EPHB1: variants seen among roughly 807,000 people sequenced by gnomAD.
The protein encoded by EPHB1 is ephrin type-B receptor 1.
A neutral mutation model predicts 94.4 loss-of-function variants in EPHB1; 30 were observed. The observed-to-expected ratio is 0.32, with a 90% confidence interval of 0.24 to 0.43. EPHB1 has a LOEUF of 0.43. EPHB1 is among the 20% of genes least tolerant of loss of function. The pLI is 1.00. For missense variants in EPHB1, 1,055 were observed against 1,308.3 expected, an observed-to-expected ratio of 0.81 and a Z score of 2.99; for synonymous variants, 522 against 489.1, an observed-to-expected ratio of 1.07 and a Z score of -0.89.
At chr3:135,062,015 G>A (rs899416411) in intron 3 of EPHB1, among the ~76,000 whole-genome samples, 5 of 152,148 alleles carry the variant, frequency 3.3e-5, no homozygotes, top group Non-Finnish European at 4.4e-5. Flanking sequence ...CATTTGGGTT[G>A]GTTCCAAGTC....
chr3:134,944,962 A>G (rs1211603709), intron 2 of EPHB1, among the ~76,000 whole-genome samples: 1 of 152,208 alleles, frequency 6.6e-6, no homozygotes, highest in Non-Finnish European at 1.5e-5. Context: ...GACATCCCCC[A>G]AAAAGTATCA....
chr3:134,946,630 C>T (rs2039222153), intron 2 of EPHB1, among the ~76,000 whole-genome samples: 1 of 152,186 alleles, frequency 6.6e-6, no homozygotes, highest in South Asian at 2.1e-4. Context: ...TGGCACCTAG[C>T]AGGAGGTGTT....
intron 3 of EPHB1, among the ~76,000 whole-genome samples, chr3:135,000,401 T>C (rs1576305935): frequency 6.6e-6 from 1 of 152,172 alleles, no homozygotes; most frequent in East Asian, 1.9e-4. Flanking sequence ...AAAAAAATCA[T>C]TCCATGGGGG....
intron 3 of EPHB1, among the ~76,000 whole-genome samples, chr3:135,006,121 G>A (rs970652223): frequency 2.0e-5 from 3 of 152,186 alleles, no homozygotes; most frequent in Non-Finnish European, 4.4e-5. Context: ...CCAGCCATGT[G>A]GAACTGTGAG....
At chr3:135,105,784 C>A (rs1430840975) in intron 3 of EPHB1, among the ~76,000 whole-genome samples, 4 of 152,278 alleles carry the variant, frequency 2.6e-5, no homozygotes, top group Admixed American at 2.0e-4. Flanking sequence ...GCAAAGTCAT[C>A]CTTTCCTTGC....
chr3:135,259,743 C>A lies in EPHB1; in HGVS notation c.*623C>A. The stretch of plus-strand genomic sequence containing the variant: ...TCATATTGAAGAAGAGATGTACCTT[C>A]AATTGAAAACCTCGTTTTTCTTTTG... On this transcript the variant is annotated 3_prime_UTR_variant, in exon 16 of 16. Transcript: ENST00000398015. The A allele has an allele frequency of 4.8e-6, 1 of 209,748 alleles. No homozygotes were observed. Among genetic ancestry groups the A allele is most frequent in the Non-Finnish European group, 9.7e-6 (1 of 102,856 alleles). 13.0% of individuals were successfully genotyped at this position (209,748 alleles called of 1,614,324 possible).
intron 3 of EPHB1, among the ~76,000 whole-genome samples, chr3:134,979,284 G>A (rs1934315097): frequency 6.6e-6 from 1 of 152,178 alleles, no homozygotes; most frequent in South Asian, 2.1e-4. Context: ...TGGTAAAGGA[G>A]CATGTTCAAA....
At chr3:135,072,498 G>A (rs1054613560) in intron 3 of EPHB1, among the ~76,000 whole-genome samples, 5 of 152,074 alleles carry the variant, frequency 3.3e-5, no homozygotes, top group South Asian at 2.1e-4. Context: ...ACCTGACTCC[G>A]TTCTGCTCTC....
At chr3:135,043,274 A>G (rs1008568996) in intron 3 of EPHB1, among the ~76,000 whole-genome samples, 1 of 139,640 alleles carries the variant, frequency 7.2e-6, no homozygotes, top group African/African-American at 2.8e-5. Flanking sequence ...AATAATAATA[A>G]TAGTAATAAT....
intron 3 of EPHB1, among the ~76,000 whole-genome samples, chr3:134,954,856 G>A (rs755926263): frequency 1.1e-4 from 17 of 152,168 alleles, no homozygotes; most frequent in Non-Finnish European, 1.6e-4. Flanking sequence ...TGGCTGTGCA[G>A]AGGCACCTGG....
intron 11 of EPHB1, among the ~76,000 whole-genome samples, chr3:135,198,875 C>G (rs1299446868): frequency 6.6e-6 from 1 of 152,182 alleles, no homozygotes; most frequent in African/African-American, 2.4e-5. Context: ...GGTTAAATAA[C>G]TTGCCCAAGC....
intron 1 of EPHB1, among the ~76,000 whole-genome samples, chr3:134,903,325 G>T (rs1338704555): frequency 6.6e-6 from 1 of 152,144 alleles, no homozygotes; most frequent in Non-Finnish European, 1.5e-5. Flanking sequence ...AAGCTTTAGG[G>T]TAGCTCCTAC....
At chr3:134,916,681 C>G (rs2038579677) in intron 1 of EPHB1, among the ~76,000 whole-genome samples, 1 of 152,234 alleles carries the variant, frequency 6.6e-6, no homozygotes. Context: ...CCCACGCCCA[C>G]CCGGAACTGG....
At chr3:134,859,255 T>G (rs1224751821) in intron 1 of EPHB1, among the ~76,000 whole-genome samples, 1 of 152,174 alleles carries the variant, frequency 6.6e-6, no homozygotes, top group Non-Finnish European at 1.5e-5. Flanking sequence ...TCGATCTCAT[T>G]GTTTGATGGT....
At position 135,106,455 on chromosome 3, in the gene EPHB1, T is replaced by G. The variant is rs1559832377; in HGVS notation, c.813T>G (p.Pro271=). The G allele has an allele frequency of 6.2e-7, 1 of 1,614,012 alleles. No individual in the cohort carries two copies. Among genetic ancestry groups the G allele is most frequent in the Admixed American group, 1.7e-5 (1 of 60,026 alleles). Residue 271 remains proline (P), a synonymous_variant, in exon 4 of 16, where the codon CCT becomes CCG. Coordinates refer to ENST00000398015, the MANE Select transcript of EPHB1 (RefSeq NM_004441.5). ...GGTCTCTTTGTGTTCTAGCTTGCCC[T>G]GCAGGGACATTCAAGGCCAGCCAGG... is the stretch of plus-strand genomic sequence containing the variant. The part of the protein sequence containing the change: ...PENSVACKAC[P]AGTFKASQEA...
intron 1 of EPHB1, among the ~76,000 whole-genome samples, chr3:134,894,886 T>G (rs529869145): frequency 6.6e-6 from 1 of 151,944 alleles, no homozygotes; most frequent in Non-Finnish European, 1.5e-5. Flanking sequence ...TTTTCTGTGG[T>G]TTCTCTTTTC....
Position 135,106,567 on chromosome 3 carries a change from C to T in EPHB1, c.925C>T (p.Arg309Ter), listed in dbSNP as rs2107799087. Reference protein sequence around the residue: ...PICTCRTGYYRADFDPPEVAC... With the variant: ...PICTCRTGYY The stretch of plus-strand genomic sequence containing the variant: ...CTGCACCTGTCGGACCGGTTATTAC[C>T]GAGCGGACTTTGACCCTCCAGAAGT... The change falls in exon 4 of 16, where the codon CGA becomes TGA. Residue 309 changes from arginine to a stop codon, truncating the protein, a stop_gained. Transcript: ENST00000398015. LOFTEE classifies it high-confidence loss of function. The T allele has an allele frequency of 2.5e-6, 4 of 1,614,032 alleles. No individual in the cohort carries two copies. The highest frequency in any genetic ancestry group is 2.5e-6 in the Non-Finnish European group (3 of 1,179,902).
intron 2 of EPHB1, among the ~76,000 whole-genome samples, chr3:134,944,283 G>A (rs1010120133): frequency 2.0e-5 from 3 of 152,136 alleles, no homozygotes; most frequent in Admixed American, 6.5e-5. Flanking sequence ...TCATGTTGCC[G>A]TACGTACTAG....
intron 3 of EPHB1, among the ~76,000 whole-genome samples, chr3:135,035,082 T>C (rs1251574588): frequency 6.6e-6 from 1 of 152,234 alleles, no homozygotes; most frequent in Non-Finnish European, 1.5e-5. Flanking sequence ...TCAGGCCAGC[T>C]TCCTCCGTTG....
Sources: gnomAD v4.1 joint callset for allele counts (sites outside exome capture counted in the v4.1 genomes callset) on GRCh38, gnomAD v4.1.1 for gene constraint, MANE v1.5 for transcripts, NCBI Gene and HGNC (gene_info 2026-07-23, HGNC 2026-07-21) for gene names.